The following MYRF variants were observed in gnomAD, a reference collection of about 807,000 sequenced individuals.
MYRF encodes myelin regulatory factor.
Under a neutral mutation model 126.3 loss-of-function variants are expected in MYRF, and 16 were observed. The ratio of observed to expected loss-of-function variants is 0.13; its 90% CI spans 0.09 to 0.19. MYRF has a LOEUF of 0.19. Among genes scored for constraint, MYRF ranks in the 10% least tolerant of loss-of-function variants. The pLI is 1.00. For missense variants in MYRF, 1,104 were observed against 1,547.0 expected (o/e 0.71, Z 4.80); for synonymous variants, 608 against 635.3 (o/e 0.96, Z 0.65).
At chr11:61,762,487 T>G (rs1245345933) in intron 1 of MYRF, among the ~76,000 whole-genome samples, 5 of 152,226 alleles carry the variant, frequency 3.3e-5, no homozygotes, top group Admixed American at 2.6e-4. Context: ...TTCCGCTTCC[T>G]GCCTGGCAGG....
intron 8 of MYRF, among the ~76,000 whole-genome samples, chr11:61,775,851 G>A (rs1162396845): frequency 6.6e-6 from 1 of 151,870 alleles, no homozygotes; most frequent in Non-Finnish European, 1.5e-5. Flanking sequence ...TGTGAGGGGT[G>A]AGGAGGGTGT....
chr11:61,776,186 T>C lies in MYRF; in HGVS notation c.1388+54T>C. The C allele has an allele frequency of 6.2e-7, 1 of 1,605,668 alleles. No individual in the cohort carries two copies. The highest frequency in any genetic ancestry group is 2.2e-5 in the East Asian group (1 of 44,844). On this transcript the variant is annotated intron_variant, in intron 9 of 26. Coordinates refer to ENST00000278836, the MANE Select transcript of MYRF (RefSeq NM_001127392.3). This position sits in a 1 kb window ranked among gnomAD's most constrained non-coding sequence, Gnocchi z 4.3. ...ACCTAGAAGGGTCCACAACTAAAGC[T>C]GGCTTGGGAATGGAGGGGCCAGGGA... is the stretch of plus-strand genomic sequence containing the variant.
chr11:61,781,405 G>A, intron 21 of MYRF, 76 bp downstream of exon 21: 1 of 1,568,456 alleles, frequency 6.4e-7, no homozygotes. Flanking sequence ...CTCATTGGTG[G>A]GAGGGTCTCC....
rs2066524467 is a variant in MYRF, at chr11:61,780,945, A to G, written c.2487-15A>G. ...CTCCCAGCCCCTCTGAGCTCAGCCC[A>G]TCCTTCCCCAGCAGGTCCAGCCAGA... is the stretch of plus-strand genomic sequence containing the variant. On this transcript the variant is annotated splice_polypyrimidine_tract_variant and intron_variant, in intron 19 of 26. Transcript: ENST00000278836. 2 of 1,608,446 alleles carry G rather than the reference A, an allele frequency of 1.2e-6. No homozygotes were observed. The highest frequency in any genetic ancestry group is 3.3e-5 in the Admixed American group (2 of 59,948).
rs1470884674 is a variant in MYRF, at chr11:61,770,598, C to T, written c.740+73C>T. 5.6e-6 allele frequency: 8 copies of T among 1,435,426 alleles called. No homozygotes were observed. In the East Asian group the frequency reaches 1.7e-4, roughly 31 times the overall value. 88.9% of individuals were successfully genotyped at this position (1,435,426 alleles called of 1,614,324 possible). ...GGACCAGGGTGGGCAGGGCGGCGGG[C>T]AGGCCAGAGAGGGAGGTAGGGACCG... On this transcript the variant is annotated intron_variant, in intron 5 of 26. Transcript: ENST00000278836.
rs748562282 is a variant in MYRF, at chr11:61,771,986, GC to G, written c.1115+41del. ...CCTACAACACTCCCCACTCCTCCAG[GC>G]CCCCCCACCTTGGGACGCCCCAGCC... On this transcript the variant is annotated intron_variant, in intron 7 of 26. Coordinates refer to ENST00000278836, the MANE Select transcript of MYRF (RefSeq NM_001127392.3). The G allele has an allele frequency of 2.6e-5, 42 of 1,610,758 alleles. No homozygotes were observed. In the East Asian group the frequency reaches 2.7e-4, roughly 10 times the overall value.
chr11:61,752,859 C>A, intron 1 of MYRF, 69 bp downstream of exon 1: 1 of 1,381,170 alleles, frequency 7.2e-7, no homozygotes, highest in Non-Finnish European at 9.6e-7. Flanking sequence ...TCCCCGGGAA[C>A]TGGGGCTCCT....
chr11:61,781,383 A>C, intron 21 of MYRF, 54 bp downstream of exon 21: 3 of 1,598,830 alleles, frequency 1.9e-6, no homozygotes, highest in Non-Finnish European at 2.6e-6. Flanking sequence ...CGTAGAGAGA[A>C]AGGCCCAAAT....
rs750138186 is a variant in MYRF, at chr11:61,771,717, C to T, written c.958C>T (p.Pro320Ser). 1 of 1,613,200 alleles carries T rather than the reference C, an allele frequency of 6.2e-7. No homozygotes were observed. The highest frequency in any genetic ancestry group is 8.5e-7 in the Non-Finnish European group (1 of 1,179,538). Residue 320 changes from proline (P) to serine (S), a missense_variant, in exon 6 of 27, where the codon CCG (proline) becomes TCG (serine). By Grantham distance (74) the Pro-to-Ser change is moderately conservative (BLOSUM62 -1). Around this residue, in one of 10 missense-constraint regions of MYRF, gnomAD observed 87 missense variants for 129.2 expected, o/e 0.67. Transcript: ENST00000278836. ...TCTCAGCATTGCCCGTGTCCAGACA[C>T]CGCCTTGGCACCCGCCAGGTGCCCC... ...LPLSIARVQT[P>S]PWHPPGAPSP...
At chr11:61,753,367 C>T (rs2065659198) in intron 1 of MYRF, among the ~76,000 whole-genome samples, 1 of 151,948 alleles carries the variant, frequency 6.6e-6, no homozygotes, top group African/African-American at 2.4e-5. Context: ...AGGGTAGGAC[C>T]ACTTTCGAGC....
chr11:61,781,413 TC>T, intron 21 of MYRF, 84 bp downstream of exon 21: 1 of 1,560,010 alleles, frequency 6.4e-7, no homozygotes, highest in Non-Finnish European at 8.7e-7. Context: ...TGGGAGGGTC[TC>T]CTGGAGCCTA....
At chr11:61,765,814 G>A (rs2066040141) in intron 2 of MYRF, 102 bp downstream of exon 2, 3 of 1,421,892 alleles carry the variant, frequency 2.1e-6, no homozygotes, top group African/African-American at 1.4e-5. Context: ...GTCTGCTGTG[G>A]TCCCACCTCT....
At position 61,776,747 on chromosome 11, in the gene MYRF, G is replaced by A. The variant is rs1416401529; in HGVS notation, c.1500-40G>A. The A allele has an allele frequency of 1.3e-6, 2 of 1,497,434 alleles. No homozygotes were observed. Among genetic ancestry groups the A allele is most frequent in the South Asian group, 2.5e-5 (2 of 81,232 alleles). The allele number at this position is 1,497,434 out of a possible 1,614,324, so 92.8% of individuals were successfully genotyped here. A position where few individuals can be genotyped will look rare whatever the true frequency, so the allele number is the denominator to read the frequency against. On this transcript the variant is annotated intron_variant, in intron 10 of 26. Coordinates refer to ENST00000278836, the MANE Select transcript of MYRF (RefSeq NM_001127392.3). This position sits in a 1 kb window ranked among gnomAD's most constrained non-coding sequence, Gnocchi z 4.3. ...GGGAAAGGGTGGCCCTGGGGGCGGG[G>A]GCAGGCCATGAGTACTTCTGAGACC... is the stretch of plus-strand genomic sequence containing the variant.
intron 4 of MYRF, 47 bp from the exon 5 acceptor site, chr11:61,770,199 C>T: frequency 6.5e-7 from 1 of 1,530,238 alleles, no homozygotes; most frequent in Non-Finnish European, 8.8e-7. Context: ...GCCCAGGAGC[C>T]TGAGTGAGGT....
At chr11:61,754,187 G>T (rs1161602977) in intron 1 of MYRF, 1 of 152,540 alleles carries the variant, frequency 6.6e-6, no homozygotes, top group African/African-American at 2.4e-5. Context: ...TTGGGAGGCA[G>T]GAACCCTTGT....
chr11:61,771,360 A>G (rs1301331901), intron 5 of MYRF, 140 bp from the exon 6 acceptor site: 3 of 1,173,234 alleles, frequency 2.6e-6, no homozygotes, highest in Non-Finnish European at 3.5e-6. Context: ...GCAAAGCCTG[A>G]GGGCTTCCTG....
Position 61,771,736 on chromosome 11 carries a change from G to T in MYRF, c.977G>T (p.Gly326Val), listed in dbSNP as rs2066227763. Residue 326 changes from glycine to valine, a missense_variant, in exon 6 of 27, where the codon GGT becomes GTT. Transcript: ENST00000278836. ...CAGACACCGCCTTGGCACCCGCCAG[G>T]TGCCCCCTCCCCAGGTACATGGCTG... ...RVQTPPWHPP[G>V]APSPGLLQDS... 1 of 1,611,916 alleles carries T rather than the reference G, an allele frequency of 6.2e-7. No individual in the cohort carries two copies. The highest frequency in any genetic ancestry group is 8.5e-7 in the Non-Finnish European group (1 of 1,178,728).
intron 4 of MYRF, among the ~76,000 whole-genome samples, chr11:61,769,862 GC>G (rs762144247): frequency 1.7e-4 from 26 of 152,180 alleles, no homozygotes; most frequent in Non-Finnish European, 3.4e-4. Flanking sequence ...GGGACTGCCT[GC>G]CGGAGAGGGG....
In MYRF at chr11:61,783,372, T is replaced by G; in HGVS notation, c.3017-126T>G. ...AGTGTGATGCTGGCCATTGTGGAGG[T>G]CTGGAAAAAAATAACCTGGAACTTA... On this transcript the variant is annotated intron_variant, in intron 22 of 26. Coordinates refer to ENST00000278836, the MANE Select transcript of MYRF (RefSeq NM_001127392.3). The surrounding 1 kb of genome is among the most constrained non-coding windows in gnomAD (Gnocchi z 4.6). 1 of 732,122 alleles carries G rather than the reference T, an allele frequency of 1.4e-6. No homozygotes were observed. The highest frequency in any genetic ancestry group is 1.6e-5 in the South Asian group (1 of 63,482). The allele number at this position is 732,122 out of a possible 1,614,324, so 45.4% of individuals were successfully genotyped here.
Sources: allele counts gnomAD v4.1 joint callset (sites outside exome capture counted in the v4.1 genomes callset), GRCh38; gene constraint gnomAD v4.1.1; regional missense constraint gnomAD v4.1.1; non-coding constraint Gnocchi (gnomAD v3.1); transcripts MANE v1.5; gene names NCBI Gene and HGNC (gene_info 2026-07-23, HGNC 2026-07-21).